The following SYT1 variants were observed in gnomAD, a reference collection of about 807,000 sequenced individuals.
SYT1 encodes synaptotagmin-1.
In SYT1, 8 loss-of-function variants were observed where a neutral mutation model predicts 44.8. The observed-to-expected ratio is 0.18, with a 90% CI of 0.10 to 0.32. SYT1 has a LOEUF of 0.32. Ranked by LOEUF, SYT1 falls within the 10% of genes least tolerant of loss-of-function variation. The pLI, the probability that SYT1 is intolerant of heterozygous loss-of-function variation, is 1.00. For missense variants in SYT1, 286 were observed against 509.3 expected, an observed-to-expected ratio of 0.56 and a Z score of 4.22; for synonymous variants, 154 against 188.8, an observed-to-expected ratio of 0.82 and a Z score of 1.51.
At chr12:79,119,812 T>C (rs976253428) in intron 3 of SYT1, among the ~76,000 whole-genome samples, 6 of 152,330 alleles carry the variant, frequency 3.9e-5, no homozygotes, top group Middle Eastern at 3.4e-3. Flanking sequence ...GTTTTTTTTT[T>C]CTAAGCTAAA....
intron 2 of SYT1, among the ~76,000 whole-genome samples, chr12:79,017,220 T>G (rs1204831528): frequency 6.6e-6 from 1 of 152,152 alleles, no homozygotes; most frequent in East Asian, 1.9e-4. Context: ...GAGACAAGAA[T>G]ATTAGAAATA....
intron 6 of SYT1, among the ~76,000 whole-genome samples, chr12:79,293,632 G>A (rs1879742792): frequency 6.6e-6 from 1 of 152,096 alleles, no homozygotes; most frequent in Non-Finnish European, 1.5e-5. Context: ...TCCAAAGTCA[G>A]TAATGCTGTG....
chr12:79,437,433 G>T (rs961349524), intron 9 of SYT1, among the ~76,000 whole-genome samples: 2 of 152,114 alleles, frequency 1.3e-5, no homozygotes, highest in African/African-American at 4.8e-5. Context: ...CAAATTTTTA[G>T]GTCTACGAGG....
chr12:79,343,296 A>T (rs1256277330), intron 8 of SYT1, among the ~76,000 whole-genome samples: 1 of 152,234 alleles, frequency 6.6e-6, no homozygotes, highest in East Asian at 1.9e-4. Flanking sequence ...TTGGCTGTGC[A>T]AAGGAGCAGA....
intron 2 of SYT1, among the ~76,000 whole-genome samples, chr12:78,984,675 A>G (rs1197248014): frequency 6.6e-6 from 1 of 152,054 alleles, no homozygotes; most frequent in Non-Finnish European, 1.5e-5. Flanking sequence ...TGGAAGAAAC[A>G]CACATAAAGA....
chr12:79,424,898 C>CTGAT (rs2136164742), intron 9 of SYT1, among the ~76,000 whole-genome samples: 1 of 144,990 alleles, frequency 6.9e-6, no homozygotes, highest in South Asian at 2.2e-4. Context: ...ATAGGAAAGA[C>CTGAT]TGATTTTCAG....
chr12:78,994,704 T>G (rs1389051123), intron 2 of SYT1, among the ~76,000 whole-genome samples: 1 of 151,578 alleles, frequency 6.6e-6, no homozygotes, highest in Non-Finnish European at 1.5e-5. Flanking sequence ...CCCAGCTAAT[T>G]TTTTGTATTT....
chr12:78,950,305 A>G (rs1878893278), intron 1 of SYT1, among the ~76,000 whole-genome samples: 2 of 152,104 alleles, frequency 1.3e-5, no homozygotes, highest in African/African-American at 4.8e-5. Context: ...TCATAATTCA[A>G]TTGAATAATC....
chr12:79,259,741 A>G (rs2138724358), intron 4 of SYT1, among the ~76,000 whole-genome samples: 1 of 152,284 alleles, frequency 6.6e-6, no homozygotes, highest in Non-Finnish European at 1.5e-5. Flanking sequence ...CACAAACAGA[A>G]ACAAAAAAAC....
At chr12:79,136,620 T>C (rs754723600) in intron 3 of SYT1, among the ~76,000 whole-genome samples, 3 of 152,220 alleles carry the variant, frequency 2.0e-5, no homozygotes, top group East Asian at 1.9e-4. Flanking sequence ...TTAATAAAAA[T>C]GACTAATGCA....
At chr12:79,134,338 G>T (rs1321266656) in intron 3 of SYT1, among the ~76,000 whole-genome samples, 1 of 152,174 alleles carries the variant, frequency 6.6e-6, no homozygotes, top group Non-Finnish European at 1.5e-5. Context: ...TTGATTGTGA[G>T]ATGTATAGCA....
chr12:79,133,176 A>G (rs1226856465), intron 3 of SYT1, among the ~76,000 whole-genome samples: 1 of 152,142 alleles, frequency 6.6e-6, no homozygotes, highest in Non-Finnish European at 1.5e-5. Context: ...ATAGCACACT[A>G]AGGTAACCAT....
chr12:79,421,596 A>G (rs1387648177), intron 9 of SYT1, among the ~76,000 whole-genome samples: 3 of 152,120 alleles, frequency 2.0e-5, no homozygotes, highest in Non-Finnish European at 4.4e-5. Context: ...ATCTGTCTTG[A>G]CATGTTGGTT....
rs188084876 is a variant in SYT1, at chr12:79,184,250, T to C, written c.-17-33253T>C. On this transcript the variant is annotated intron_variant, in intron 3 of 10. Coordinates refer to ENST00000261205, the MANE Select transcript of SYT1 (RefSeq NM_005639.3). ...ACTCATGTTTTCCCTTTATTTTAAA[T>C]GCTGAAAAAAACATAGGTTGTAATG... Among the ~76,000 whole-genome samples, 255 of 152,096 alleles carry C rather than the reference T, an allele frequency of 1.7e-3. 3 individuals are homozygous for C. The highest frequency in any genetic ancestry group is 5.9e-3 in the African/African-American group (243 of 41,528).
In SYT1 at chr12:79,374,723, A is replaced by G. The variant is rs114521468; in HGVS notation, c.928+21104A>G. On this transcript the variant is annotated intron_variant, in intron 9 of 10. Coordinates refer to ENST00000261205, the MANE Select transcript of SYT1 (RefSeq NM_005639.3). ...ACTACCCTGTGGACAAAAGTATGGA[A>G]TCACATATTCAGCAAATATGTATTA... 3.1e-3 allele frequency among the ~76,000 whole-genome samples: 474 copies of G among 152,328 alleles called. 3 individuals carry two copies. The highest frequency in any genetic ancestry group is 0.01 in the African/African-American group (435 of 41,578).
At chr12:79,243,928 G>A (rs1232079892) in intron 4 of SYT1, among the ~76,000 whole-genome samples, 2 of 151,722 alleles carry the variant, frequency 1.3e-5, no homozygotes, top group Non-Finnish European at 1.5e-5. Flanking sequence ...ACAGGATGGG[G>A]GTGGCTAAAT....
At chr12:78,908,635 T>C (rs1876132022) in intron 1 of SYT1, among the ~76,000 whole-genome samples, 1 of 151,904 alleles carries the variant, frequency 6.6e-6, no homozygotes, top group Admixed American at 6.6e-5. Context: ...TTTCCCATGT[T>C]CCAGTGGTTA....
rs560143712 is a variant in SYT1 at position 79,352,301 on chromosome 12, A to G, written c.811-1201A>G. Among the ~76,000 whole-genome samples the G allele has an allele frequency of 2.9e-4, 44 of 152,138 alleles. 1 individual carries two copies. The South Asian group carries it at 9.1e-3, about 32-fold the overall frequency. On this transcript the variant is annotated intron_variant, in intron 8 of 10. Transcript: ENST00000261205. ...GCTGACTTAACATATATGTCAAGTT[A>G]TAGATAAAGACACATATAGTCATAA...
intron 8 of SYT1, among the ~76,000 whole-genome samples, chr12:79,328,568 C>T (rs778085080): frequency 3.3e-5 from 5 of 152,118 alleles, no homozygotes; most frequent in South Asian, 2.1e-4. Context: ...TACTCATGGC[C>T]GGGTGCGGTG....
Sources: allele counts gnomAD v4.1 joint callset (sites outside exome capture counted in the v4.1 genomes callset), GRCh38; gene constraint gnomAD v4.1.1; transcripts MANE v1.5; gene names NCBI Gene and HGNC (gene_info 2026-07-23, HGNC 2026-07-21).